DSEL: variants seen among roughly 807,000 people sequenced by gnomAD.
DSEL encodes dermatan sulfate epimerase like, also known as dermatan-sulfate epimerase-like protein.
DSEL carries 61 observed loss-of-function variants against 96.6 expected under a neutral mutation model. That is an observed-to-expected ratio of 0.63 (90% confidence interval 0.51 to 0.78). The LOEUF (loss-of-function observed/expected upper bound fraction) is 0.78. DSEL is among the 30% of genes least tolerant of loss of function. DSEL has a pLI of 0.00. For missense variants in DSEL, 1,320 were observed against 1,430.8 expected (o/e 0.92, Z 1.25); for synonymous variants, 514 against 502.0 (o/e 1.02, Z -0.32).
In DSEL at chr18:67,516,413, G is replaced by C. The variant is rs563892693; in HGVS notation, c.-937C>G. 6.6e-6 allele frequency: 1 copy of C among 152,368 alleles called. No individual in the cohort carries two copies. The highest frequency in any genetic ancestry group is 1.9e-4 in the East Asian group (1 of 5,156). 9.4% of individuals were successfully genotyped at this position (152,368 alleles called of 1,614,324 possible). A position where few individuals can be genotyped will look rare whatever the true frequency, so the allele number is the denominator to read the frequency against. ...CGCCGCACTGGGCCCCAAGGGAGAC[G>C]GAGGTGGAGAGTTCCAGAAAACTGC... On this transcript the variant is annotated 5_prime_UTR_variant, in exon 1 of 2. Transcript: ENST00000310045. This position sits in a 1 kb window ranked among gnomAD's most constrained non-coding sequence, Gnocchi z 5.6.
Position 67,508,627 on chromosome 18 carries a change from T to G in DSEL, c.*2343A>C, listed in dbSNP as rs1433334512. ...CAATGACGTGTTCCCATATTCATTC[T>G]CAGTGTAACTCATTTTCTTTTTCAT... On this transcript the variant is annotated 3_prime_UTR_variant, in exon 2 of 2. Coordinates refer to ENST00000310045, the MANE Select transcript of DSEL (RefSeq NM_032160.3). The G allele has an allele frequency of 2.6e-5, 4 of 152,224 alleles. No homozygotes were observed. Among genetic ancestry groups the G allele is most frequent in the Non-Finnish European group, 4.4e-5 (3 of 68,052 alleles). 9.4% of individuals were successfully genotyped at this position (152,224 alleles called of 1,614,324 possible). A position where few individuals can be genotyped will look rare whatever the true frequency, so the allele number is the denominator to read the frequency against.
rs2089477464 is a variant in DSEL, at chr18:67,516,525, C to G, written c.-1049G>C. 6.6e-6 allele frequency: 1 copy of G among 152,596 alleles called. No homozygotes were observed. Among genetic ancestry groups the G allele is most frequent in the Non-Finnish European group, 1.5e-5 (1 of 68,402 alleles). The allele number at this position is 152,596 out of a possible 1,614,324, so 9.5% of individuals were successfully genotyped here. A position where few individuals can be genotyped will look rare whatever the true frequency, so the allele number is the denominator to read the frequency against. ...ACGGCAGGCGCTGCCCCAGCTCGGT[C>G]TCCTCAGCCGCGCTCGGTCCCCGCG... On this transcript the variant is annotated 5_prime_UTR_variant, in exon 1 of 2. Transcript: ENST00000310045. This position sits in a 1 kb window ranked among gnomAD's most constrained non-coding sequence, Gnocchi z 5.6.
At position 67,512,890 on chromosome 18, in the gene DSEL, C is replaced by A. The variant is rs202094504; in HGVS notation, c.1719G>T (p.Leu573Phe). The A allele has an allele frequency of 6.4e-5, 104 of 1,614,016 alleles. No homozygotes were observed. The highest frequency in any genetic ancestry group is 8.6e-5 in the Non-Finnish European group (102 of 1,180,046). ...GCAGAGTTTGGGAATTTAAGAGAAG[C>A]AAAGCACGATATACACTTTTCAGTC... The part of the protein sequence containing the change: ...AMRLKSVYRA[L>F]LLLNSQTLLV... The change falls in exon 2 of 2, where the codon TTG becomes TTT. Residue 573 changes from leucine to phenylalanine, a missense_variant. Physicochemically the swap from Leu to Phe is conservative, Grantham distance 22. Transcript: ENST00000310045.
rs780287571 is a variant in DSEL at position 67,512,207 on chromosome 18, A to G, written c.2402T>C (p.Met801Thr). ...AATAACAAGTATTAATATCCATCGC[A>G]TTAGTTTTCTAAAAGAAAGGTAAAA... is the stretch of plus-strand genomic sequence containing the variant. ...WRFYLSFRKLMRWILILVIAL... is the reference protein window; with the variant it reads ...WRFYLSFRKLTRWILILVIAL... Residue 801 changes from methionine (M) to threonine (T), a missense_variant, in exon 2 of 2, where the codon ATG becomes ACG. Coordinates refer to ENST00000310045, the MANE Select transcript of DSEL (RefSeq NM_032160.3). The G allele has an allele frequency of 6.2e-7, 1 of 1,614,226 alleles. No individual in the cohort carries two copies. Among genetic ancestry groups the G allele is most frequent in the Non-Finnish European group, 8.5e-7 (1 of 1,180,046 alleles).
chr18:67,515,752 A>G (rs538595765), intron 1 of DSEL, among the ~76,000 whole-genome samples: 2 of 152,362 alleles, frequency 1.3e-5, no homozygotes, highest in East Asian at 1.9e-4. Flanking sequence ...TCTCCCGACA[A>G]TATCTATAGT....
At position 67,515,220 on chromosome 18, in the gene DSEL, T is replaced by C. The variant is rs1234998440; in HGVS notation, c.-612A>G. 6.0e-6 allele frequency: 1 copy of C among 167,070 alleles called. No homozygotes were observed. Among genetic ancestry groups the C allele is most frequent in the African/African-American group, 2.4e-5 (1 of 41,468 alleles). The allele number at this position is 167,070 out of a possible 1,614,324, so 10.3% of individuals were successfully genotyped here. A position where few individuals can be genotyped will look rare whatever the true frequency, so the allele number is the denominator to read the frequency against. ...ATGAGAGAGAAACATCCTCAACAAG[T>C]GATCAAAGTCTTAGTTGGTTTTTAA... On this transcript the variant is annotated 5_prime_UTR_variant, in exon 2 of 2. Transcript: ENST00000310045.
chr18:67,514,419 T>C lies in DSEL; in HGVS notation c.190A>G (p.Ser64Gly), dbSNP rs750262093. ...ATTTCTCCAGCATCAAAATATAAAC[T>C]TGGATGAAGCATACTTTTCTTCAGC... Reference protein sequence around the residue: ...QKLKKSMLHPSLYFDAGEIQA... With the variant: ...QKLKKSMLHPGLYFDAGEIQA... The change falls in exon 2 of 2, where the codon AGT becomes GGT. Residue 64 changes from serine to glycine, a missense_variant. Around this residue, in one of 3 missense-constraint regions of DSEL, gnomAD observed 323 missense variants for 333.1 expected, o/e 0.97. Coordinates refer to ENST00000310045, the MANE Select transcript of DSEL (RefSeq NM_032160.3). 11 of 1,614,036 alleles carry C rather than the reference T, an allele frequency of 6.8e-6. No homozygotes were observed. The highest frequency in any genetic ancestry group is 1.7e-5 in the Admixed American group (1 of 60,010).
chr18:67,512,269 C>A lies in DSEL; in HGVS notation c.2340G>T (p.Leu780Phe). The change falls in exon 2 of 2, where the codon TTG (leucine) becomes TTT (phenylalanine). Residue 780 changes from leucine (L) to phenylalanine (F), a missense_variant. Transcript: ENST00000310045. ...AAGTTAAAATCACCAAGCTAATGCA[C>A]AAAATTAATCCAACTGCTATATTAA... The part of the protein sequence containing the change: ...FKFNIAVGLI[L>F]CISLVILTFQ... The A allele has an allele frequency of 1.2e-6, 2 of 1,614,014 alleles. No homozygotes were observed. The highest frequency in any genetic ancestry group is 1.7e-6 in the Non-Finnish European group (2 of 1,179,980).
rs759745446 is a variant in DSEL, at chr18:67,514,249, A to G, written c.360T>C (p.Ile120=). Residue 120 remains isoleucine (I), a synonymous_variant, in exon 2 of 2, where the codon ATT becomes ATC. Transcript: ENST00000310045. ...HADFAAKWNE[I]YGNNLPPLAL... ...CTAAAGGAGGCAGATTGTTACCATA[A>G]ATTTCATTCCACTTGGCAGCAAAAT... The G allele has an allele frequency of 1.4e-5, 23 of 1,614,034 alleles. No individual in the cohort carries two copies. Among genetic ancestry groups the G allele is most frequent in the Non-Finnish European group, 1.8e-5 (21 of 1,180,026 alleles).
Position 67,510,917 on chromosome 18 carries a change from AC to A in DSEL, c.*52del. The A allele has an allele frequency of 6.9e-7, 1 of 1,447,330 alleles. No homozygotes were observed. Among genetic ancestry groups the A allele is most frequent in the Non-Finnish European group, 9.3e-7 (1 of 1,071,958 alleles). The allele number at this position is 1,447,330 out of a possible 1,614,324, so 89.7% of individuals were successfully genotyped here. A position where few individuals can be genotyped will look rare whatever the true frequency, so the allele number is the denominator to read the frequency against. ...AAACAAACTCTTCTGATTCATATCC[AC>A]AAAGTGGGTTGGTAAGTATTATTAG... On this transcript the variant is annotated 3_prime_UTR_variant, in exon 2 of 2. Transcript: ENST00000310045.
Position 67,511,791 on chromosome 18 carries a change from G to A in DSEL, c.2818C>T (p.His940Tyr). The stretch of plus-strand genomic sequence containing the variant: ...GCCAGTTTACCCCTATTGGGTTCAT[G>A]CAGATGGATGTTTTGCAAATGTAAT... The part of the protein sequence containing the change: ...TKLHLQNIHL[H>Y]EPNRGKLAQY... The change falls in exon 2 of 2, where the codon CAT becomes TAT. Residue 940 changes from histidine (H) to tyrosine (Y), a missense_variant. By Grantham distance (83) the His-to-Tyr change is moderately conservative (BLOSUM62 2). Transcript: ENST00000310045. The A allele has an allele frequency of 6.2e-7, 1 of 1,614,120 alleles. No homozygotes were observed. Among genetic ancestry groups the A allele is most frequent in the Non-Finnish European group, 8.5e-7 (1 of 1,180,028 alleles).
rs879598614 is a variant in DSEL at position 67,508,101 on chromosome 18, G to C, written c.*2869C>G. ...AATTATCTCAATTAGGCCTATGTTTGGGGAAGTTAATGTAGAAAAAGACGG... is the reference window on the plus strand; with the variant it reads ...AATTATCTCAATTAGGCCTATGTTTCGGGAAGTTAATGTAGAAAAAGACGG... On this transcript the variant is annotated 3_prime_UTR_variant, in exon 2 of 2. Transcript: ENST00000310045. 32 of 152,180 alleles carry C rather than the reference G, an allele frequency of 2.1e-4. No individual in the cohort carries two copies. Among genetic ancestry groups the C allele is most frequent in the Admixed American group, 7.2e-4 (11 of 15,284 alleles). The allele number at this position is 152,180 out of a possible 1,614,324, so 9.4% of individuals were successfully genotyped here.
chr18:67,512,565 A>T lies in DSEL; in HGVS notation c.2044T>A (p.Phe682Ile). The change falls in exon 2 of 2, where the codon TTT becomes ATT. Residue 682 changes from phenylalanine to isoleucine, a missense_variant. Around this residue, in one of 3 missense-constraint regions of DSEL, gnomAD observed 986 missense variants for 1,066.4 expected, o/e 0.92. Transcript: ENST00000310045. ...EPTITRIAYV[F>I]YGPYINVSSC... ...GAGACATTGATATATGGCCCATAAA[A>T]GACATATGCAATTCTTGTGATTGTG... The T allele has an allele frequency of 6.2e-7, 1 of 1,614,184 alleles. No individual in the cohort carries two copies.
At position 67,512,827 on chromosome 18, in the gene DSEL, TG is replaced by T. The variant is rs1407724120; in HGVS notation, c.1781del (p.Pro594GlnfsTer2). 1 of 1,614,066 alleles carries T rather than the reference TG, an allele frequency of 6.2e-7. No homozygotes were observed. Among genetic ancestry groups the T allele is most frequent in the Admixed American group, 1.7e-5 (1 of 60,028 alleles). The part of the protein sequence containing the change: ...VDHIERQEDS[P>X]INSVSAFFHN... Reference sequence around the variant, plus strand: ...GAAAGAAGGCACTGACAGAATTTATTGGGGAATCTTCTTGCCTCTCAATATG... The same window carrying T: ...GAAAGAAGGCACTGACAGAATTTATTGGGAATCTTCTTGCCTCTCAATATG... On this transcript the variant is annotated frameshift_variant, in exon 2 of 2. Coordinates refer to ENST00000310045, the MANE Select transcript of DSEL (RefSeq NM_032160.3). LOFTEE classifies it high-confidence loss of function.
In DSEL at chr18:67,513,080, T is replaced by C. The variant is rs1204688926; in HGVS notation, c.1529A>G (p.Gln510Arg). 1.9e-6 allele frequency: 3 copies of C among 1,614,204 alleles called. No individual in the cohort carries two copies. In the Admixed American group the frequency reaches 5.0e-5, roughly 27 times the overall value. ...TTGACCTTCCCAGGGCTTATTACAC[T>C]GGCTTGAGGGTGATGGAGCAAACAC... is the stretch of plus-strand genomic sequence containing the variant. ...VLVFAPSPSSQCNKPWEGQLG... is the reference protein window; with the variant it reads ...VLVFAPSPSSRCNKPWEGQLG... The change falls in exon 2 of 2, where the codon CAG becomes CGG. Residue 510 changes from glutamine (Q) to arginine (R), a missense_variant. Transcript: ENST00000310045.
Position 67,513,933 on chromosome 18 carries a change from C to T in DSEL, c.676G>A (p.Ala226Thr), listed in dbSNP as rs1490679025. 6 of 1,614,032 alleles carry T rather than the reference C, an allele frequency of 3.7e-6. No homozygotes were observed. The highest frequency in any genetic ancestry group is 5.1e-6 in the Non-Finnish European group (6 of 1,180,028). ...GTGAGTAATGCTATCATATTAGTGG[C>T]TTGGTGGTTATGGAGAAGCTGTTTG... ...WGKQLLHNHQATNMIALLTGA... is the reference protein window; with the variant it reads ...WGKQLLHNHQTTNMIALLTGA... The change falls in exon 2 of 2, where the codon GCC becomes ACC. Residue 226 changes from alanine (A) to threonine (T), a missense_variant. Physicochemically the swap from Ala to Thr is moderately conservative, Grantham distance 58. Around this residue, in one of 3 missense-constraint regions of DSEL, gnomAD observed 323 missense variants for 333.1 expected, o/e 0.97. Coordinates refer to ENST00000310045, the MANE Select transcript of DSEL (RefSeq NM_032160.3).
rs771098495 is a variant in DSEL, at chr18:67,513,274, C to T, written c.1335G>A (p.Val445=). 8.1e-6 allele frequency: 13 copies of T among 1,614,078 alleles called. No homozygotes were observed. The highest frequency in any genetic ancestry group is 1.3e-5 in the African/African-American group (1 of 74,930). Residue 445 remains valine (V), a synonymous_variant, in exon 2 of 2, where the codon GTG becomes GTA. Coordinates refer to ENST00000310045, the MANE Select transcript of DSEL (RefSeq NM_032160.3). ...FKSGKLGGRA[V]YDIVHFQPYS... is the part of the protein sequence containing the mutation. ...ATGGCTGAAAATGAACTATGTCATA[C>T]ACAGCTCGTCCCCCCAGCTTCCCAG...
Position 67,514,879 on chromosome 18 carries a change from T to C in DSEL, c.-271A>G. 1 of 466,212 alleles carries C rather than the reference T, an allele frequency of 2.1e-6. No homozygotes were observed. Among genetic ancestry groups the C allele is most frequent in the Non-Finnish European group, 3.9e-6 (1 of 257,168 alleles). The allele number at this position is 466,212 out of a possible 1,614,324, so 28.9% of individuals were successfully genotyped here. On this transcript the variant is annotated 5_prime_UTR_variant, in exon 2 of 2. Coordinates refer to ENST00000310045, the MANE Select transcript of DSEL (RefSeq NM_032160.3). Reference sequence around the variant, plus strand: ...GTTAAAATCTCTAATTTTTCCATAATACACAGGGAAGTGATACAGGTAAAA... The same window carrying C: ...GTTAAAATCTCTAATTTTTCCATAACACACAGGGAAGTGATACAGGTAAAA...
rs1208474941 is a variant in DSEL, at chr18:67,512,289, T to A, written c.2320A>T (p.Ile774Leu). ...IIFPFGFKFN[I>L]AVGLILCISL... ...ATGCACAAAATTAATCCAACTGCTATATTAAATTTAAATCCAAAGGGGAAA... is the reference window on the plus strand; with the variant it reads ...ATGCACAAAATTAATCCAACTGCTAAATTAAATTTAAATCCAAAGGGGAAA... The change falls in exon 2 of 2, where the codon ATA becomes TTA. Residue 774 changes from isoleucine (I) to leucine (L), a missense_variant. Transcript: ENST00000310045. 6.2e-7 allele frequency: 1 copy of A among 1,614,138 alleles called. No individual in the cohort carries two copies. The highest frequency in any genetic ancestry group is 1.3e-5 in the African/African-American group (1 of 75,066).
Sources: allele counts gnomAD v4.1 joint callset (sites outside exome capture counted in the v4.1 genomes callset), GRCh38; gene constraint gnomAD v4.1.1; regional missense constraint gnomAD v4.1.1; non-coding constraint Gnocchi (gnomAD v3.1); transcripts MANE v1.5; gene names NCBI Gene and HGNC (gene_info 2026-07-23, HGNC 2026-07-21).